GMDS: variants seen among roughly 807,000 people sequenced by gnomAD.
GMDS encodes GDP-mannose 4,6-dehydratase.
A neutral mutation model predicts 49.9 loss-of-function variants in GMDS; 20 were observed. That is an observed-to-expected ratio of 0.40 (90% confidence interval 0.28 to 0.58). The LOEUF (loss-of-function observed/expected upper bound fraction) is 0.58, where lower values mean the gene tolerates loss of function less well. Among genes scored for constraint, GMDS ranks in the 20% least tolerant of loss-of-function variants. GMDS has a pLI of 0.42. For synonymous variants in GMDS, 177 were observed against 178.6 expected (o/e 0.99, Z 0.07); for missense variants, 362 against 481.4 (o/e 0.75, Z 2.32).
intron 8 of GMDS, among the ~76,000 whole-genome samples, chr6:1,735,923 G>C (rs1004360944): frequency 5.3e-5 from 8 of 152,144 alleles, no homozygotes; most frequent in Non-Finnish European, 1.2e-4. Context: ...TCTTTGATTA[G>C]TTTGGCATTG....
intron 7 of GMDS, among the ~76,000 whole-genome samples, chr6:1,789,208 C>T (rs138474641): frequency 1.1e-4 from 16 of 152,340 alleles, no homozygotes; most frequent in Non-Finnish European, 1.6e-4. Context: ...ATTACATCAA[C>T]GTGTTCACTA....
At chr6:2,175,893 T>C (rs1208257922) in intron 1 of GMDS, 54 of 1,068,832 alleles carry the variant, frequency 5.1e-5, no homozygotes, top group Non-Finnish European at 5.7e-5. Flanking sequence ...TGTGGCACTA[T>C]GATTAGCCCC....
chr6:2,088,393 A>G (rs1773130122), intron 4 of GMDS, among the ~76,000 whole-genome samples: 1 of 152,194 alleles, frequency 6.6e-6, no homozygotes, highest in Non-Finnish European at 1.5e-5. Flanking sequence ...TAGGATTGGT[A>G]TAAAGACAAA....
chr6:1,670,286 T>C (rs1044789099), intron 9 of GMDS, among the ~76,000 whole-genome samples: 4 of 151,960 alleles, frequency 2.6e-5, no homozygotes, highest in African/African-American at 9.7e-5. Flanking sequence ...TTACAGGTGT[T>C]GCATACGACT....
At chr6:1,855,000 G>GA (rs1358642568) in intron 7 of GMDS, among the ~76,000 whole-genome samples, 2 of 151,906 alleles carry the variant, frequency 1.3e-5, no homozygotes, top group Non-Finnish European at 2.9e-5. Context: ...GTAGTTGTCA[G>GA]AAAAAAAATA....
At chr6:1,898,919 C>A (rs1760359057) in intron 7 of GMDS, among the ~76,000 whole-genome samples, 1 of 152,152 alleles carries the variant, frequency 6.6e-6, no homozygotes, top group Non-Finnish European at 1.5e-5. Context: ...CAATAAAGAA[C>A]ATCATGGATT....
In GMDS at chr6:1,765,232, C is replaced by T. The variant is rs539476628; in HGVS notation, c.772-22646G>A. On this transcript the variant is annotated intron_variant, in intron 7 of 10. Coordinates refer to ENST00000380815, the MANE Select transcript of GMDS (RefSeq NM_001500.4). ...CTTAAGCATGGTAGCAATTCTAATG[C>T]TATCTTTTATTCAACACCATTTTCC... is the stretch of plus-strand genomic sequence containing the variant. Among the ~76,000 whole-genome samples, 87 of 152,276 alleles carry T rather than the reference C, an allele frequency of 5.7e-4. 1 individual carries two copies. The highest frequency in any genetic ancestry group is 1.0e-3 in the Non-Finnish European group (70 of 68,018).
intron 9 of GMDS, among the ~76,000 whole-genome samples, chr6:1,651,010 G>C (rs536442627): frequency 6.6e-6 from 1 of 152,254 alleles, no homozygotes; most frequent in Non-Finnish European, 1.5e-5. Flanking sequence ...CATGTCCCCT[G>C]AGAAGGCAGG....
intron 7 of GMDS, among the ~76,000 whole-genome samples, chr6:1,916,117 A>G (rs1012703837): frequency 6.6e-6 from 1 of 152,194 alleles, no homozygotes; most frequent in Non-Finnish European, 1.5e-5. Context: ...TTCAATATAC[A>G]ATCATGGTTT....
At chr6:1,992,492 G>A (rs552436075) in intron 4 of GMDS, among the ~76,000 whole-genome samples, 23 of 152,268 alleles carry the variant, frequency 1.5e-4, no homozygotes, top group African/African-American at 5.5e-4. Flanking sequence ...CACCAGGCAT[G>A]TTCCCGACCT....
At chr6:1,774,399 T>A (rs1167980651) in intron 7 of GMDS, among the ~76,000 whole-genome samples, 1 of 152,218 alleles carries the variant, frequency 6.6e-6, no homozygotes, top group Non-Finnish European at 1.5e-5. Flanking sequence ...ATGGAGTATA[T>A]CCCACAAGGA....
chr6:2,182,715 C>T (rs1229636558), intron 1 of GMDS, among the ~76,000 whole-genome samples: 1 of 152,148 alleles, frequency 6.6e-6, no homozygotes, highest in Non-Finnish European at 1.5e-5. Context: ...AAAAGATTTA[C>T]TTGTCTTTGA....
intron 1 of GMDS, among the ~76,000 whole-genome samples, chr6:2,180,267 A>G (rs1340547636): frequency 6.6e-6 from 1 of 152,246 alleles, no homozygotes; most frequent in African/African-American, 2.4e-5. Flanking sequence ...CTCAACTTAC[A>G]GAGCACAAAC....
intron 4 of GMDS, among the ~76,000 whole-genome samples, chr6:2,102,623 G>A (rs900796989): frequency 6.6e-6 from 1 of 152,024 alleles, no homozygotes; most frequent in African/African-American, 2.4e-5. Flanking sequence ...TGCCAAAGAG[G>A]GGCTAAAAGT....
At chr6:2,058,925 C>G (rs779487269) in intron 4 of GMDS, among the ~76,000 whole-genome samples, 1 of 151,996 alleles carries the variant, frequency 6.6e-6, no homozygotes, top group Non-Finnish European at 1.5e-5. Flanking sequence ...CCTGTAATCC[C>G]AACAATTTGG....
chr6:2,161,221 GGATGGTCTC>G (rs1777383578), intron 1 of GMDS, among the ~76,000 whole-genome samples: 1 of 151,824 alleles, frequency 6.6e-6, no homozygotes, highest in South Asian at 2.1e-4. Context: ...ATGTTCACCA[GGATGGTCTC>G]GATCTCCTGA....
At chr6:1,706,884 A>G (rs1385211195) in intron 9 of GMDS, among the ~76,000 whole-genome samples, 1 of 152,162 alleles carries the variant, frequency 6.6e-6, no homozygotes, top group Middle Eastern at 3.2e-3. Flanking sequence ...GTTATCCCCT[A>G]TGGTTGGACA....
At chr6:1,998,764 A>C (rs1766454107) in intron 4 of GMDS, among the ~76,000 whole-genome samples, 1 of 152,210 alleles carries the variant, frequency 6.6e-6, no homozygotes. Context: ...ACATCATTTT[A>C]CATAAGCAAC....
At chr6:1,676,432 C>A (rs1339502231) in intron 9 of GMDS, among the ~76,000 whole-genome samples, 1 of 152,184 alleles carries the variant, frequency 6.6e-6, no homozygotes, top group African/African-American at 2.4e-5. Context: ...GAAAAAACTA[C>A]TTTAAACTTC....
Sources: allele counts gnomAD v4.1 joint callset (sites outside exome capture counted in the v4.1 genomes callset), GRCh38; gene constraint gnomAD v4.1.1; transcripts MANE v1.5; gene names NCBI Gene and HGNC (gene_info 2026-07-23, HGNC 2026-07-21).